The following SNTG1 variants were observed in gnomAD, a reference collection of about 807,000 sequenced individuals.
SNTG1 encodes syntrophin gamma 1.
A neutral mutation model predicts 74.7 loss-of-function variants in SNTG1; 39 were observed. The observed-to-expected ratio is 0.52, with a 90% CI of 0.40 to 0.68. The LOEUF (loss-of-function observed/expected upper bound fraction) is 0.68, where lower values mean the gene tolerates loss of function less well. SNTG1 is among the 30% of genes least tolerant of loss of function. The pLI is 0.00. For synonymous variants in SNTG1, 254 were observed against 217.1 expected (o/e 1.17, Z -1.49); for missense variants, 685 against 609.5 (o/e 1.12, Z -1.30).
At chr8:50,622,320 T>C (rs2094928614) in intron 13 of SNTG1, among the ~76,000 whole-genome samples, 1 of 152,216 alleles carries the variant, frequency 6.6e-6, no homozygotes, top group Non-Finnish European at 1.5e-5. Context: ...CCATAAATGA[T>C]GCTAATACCA....
chr8:49,916,923 G>C (rs1322575539), intron 1 of SNTG1, among the ~76,000 whole-genome samples: 1 of 151,964 alleles, frequency 6.6e-6, no homozygotes, highest in Non-Finnish European at 1.5e-5. Flanking sequence ...TACTCAGGAG[G>C]CTGAGGTAGG....
chr8:50,575,154 G>C (rs940418986), intron 12 of SNTG1, among the ~76,000 whole-genome samples: 2 of 152,168 alleles, frequency 1.3e-5, no homozygotes, highest in African/African-American at 4.8e-5. Context: ...CTATGAAGGA[G>C]AGCATATGTA....
chr8:50,318,895 T>C (rs2130798784), intron 2 of SNTG1, among the ~76,000 whole-genome samples: 1 of 152,146 alleles, frequency 6.6e-6, no homozygotes, highest in African/African-American at 2.4e-5. Flanking sequence ...TCTATTTCAA[T>C]TCTATAATTC....
Position 50,658,645 on chromosome 8 carries a change from T to C in SNTG1, c.1020T>C (p.Ile340=). ...AGAAAACATTCTCAGTTTATGAGAT[T>C]ATGTGCAAGATCCTCAAGGTATGAT... ...RAEKTFSVYE[I]MCKILKDSDL... The change falls in exon 15 of 19, where the codon ATT becomes ATC. Residue 340 remains isoleucine, a synonymous_variant. Coordinates refer to ENST00000642720, the MANE Select transcript of SNTG1 (RefSeq NM_018967.5). 5 of 1,610,678 alleles carry C rather than the reference T, an allele frequency of 3.1e-6. No homozygotes were observed. Among genetic ancestry groups the C allele is most frequent in the Non-Finnish European group, 4.2e-6 (5 of 1,177,690 alleles).
chr8:50,042,809 G>A (rs1358743995), intron 1 of SNTG1, among the ~76,000 whole-genome samples: 1 of 151,812 alleles, frequency 6.6e-6, no homozygotes, highest in Non-Finnish European at 1.5e-5. Context: ...TGTTGCCCAG[G>A]CTAATCTAAA....
intron 17 of SNTG1, among the ~76,000 whole-genome samples, chr8:50,750,006 T>C (rs1385360239): frequency 1.3e-5 from 2 of 152,056 alleles, no homozygotes; most frequent in Non-Finnish European, 2.9e-5. Flanking sequence ...GTGATTCCTC[T>C]GATGGATCTT....
chr8:50,185,406 G>A (rs982876912), intron 2 of SNTG1, among the ~76,000 whole-genome samples: 1 of 152,138 alleles, frequency 6.6e-6, no homozygotes, highest in Non-Finnish European at 1.5e-5. Flanking sequence ...CCAGTCTCAG[G>A]CAGTTATTTA....
At chr8:50,540,843 C>T (rs60139884) in intron 11 of SNTG1, among the ~76,000 whole-genome samples, 7,357 of 151,878 alleles carry the variant, frequency 0.048, 314 homozygotes, top group African/African-American at 0.11. Context: ...TTCTTCTATC[C>T]TATTCTTTAA....
chr8:50,409,912 C>T (rs2092925792), intron 4 of SNTG1, among the ~76,000 whole-genome samples: 1 of 152,140 alleles, frequency 6.6e-6, no homozygotes. Context: ...CCAAACATGA[C>T]AGAACTGTCA....
chr8:50,437,236 T>A (rs543341984), intron 4 of SNTG1, among the ~76,000 whole-genome samples: 1 of 152,238 alleles, frequency 6.6e-6, no homozygotes, highest in African/African-American at 2.4e-5. Context: ...TAATAATAAT[T>A]TCTAAGTAAA....
chr8:50,276,664 C>A (rs913430441), intron 2 of SNTG1, among the ~76,000 whole-genome samples: 1 of 151,984 alleles, frequency 6.6e-6, no homozygotes, highest in Non-Finnish European at 1.5e-5. Context: ...CTGGTGTATT[C>A]ATCTGCCTCT....
intron 9 of SNTG1, among the ~76,000 whole-genome samples, chr8:50,526,653 A>G (rs1335722755): frequency 6.6e-6 from 1 of 151,756 alleles, no homozygotes; most frequent in Non-Finnish European, 1.5e-5. Flanking sequence ...ACGCATATAT[A>G]TATATATATT....
chr8:50,481,173 G>C (rs1296604620), intron 8 of SNTG1, among the ~76,000 whole-genome samples: 1 of 152,170 alleles, frequency 6.6e-6, no homozygotes, highest in African/African-American at 2.4e-5. Context: ...ATGAGGTCAG[G>C]AGATTGAGAC....
intron 1 of SNTG1, among the ~76,000 whole-genome samples, chr8:50,010,437 G>A (rs2130559099): frequency 6.6e-6 from 1 of 152,166 alleles, no homozygotes; most frequent in East Asian, 1.9e-4. Flanking sequence ...TCTTGTCATA[G>A]CCATTTTTCA....
chr8:50,098,023 C>T (rs1290998434), intron 1 of SNTG1, among the ~76,000 whole-genome samples: 1 of 152,042 alleles, frequency 6.6e-6, no homozygotes, highest in Non-Finnish European at 1.5e-5. Context: ...TTTCTACTTC[C>T]TACTTCTCCA....
chr8:50,437,124 G>A (rs967024116), intron 4 of SNTG1, among the ~76,000 whole-genome samples: 9 of 152,006 alleles, frequency 5.9e-5, no homozygotes, highest in African/African-American at 2.2e-4. Flanking sequence ...CAGATTATAA[G>A]AGTAACATAA....
intron 1 of SNTG1, among the ~76,000 whole-genome samples, chr8:50,130,500 A>G (rs894823088): frequency 3.9e-5 from 6 of 152,134 alleles, no homozygotes; most frequent in Admixed American, 3.3e-4. Context: ...AAAAGGTTAT[A>G]TATTTTACTA....
intron 17 of SNTG1, among the ~76,000 whole-genome samples, chr8:50,714,527 C>G (rs2095470548): frequency 6.6e-6 from 1 of 152,098 alleles, no homozygotes; most frequent in African/African-American, 2.4e-5. Flanking sequence ...ACTTTCTTCA[C>G]AGAATCAGAT....
intron 3 of SNTG1, among the ~76,000 whole-genome samples, chr8:50,398,401 T>C (rs546123647): frequency 4.2e-4 from 64 of 152,320 alleles, no homozygotes; most frequent in African/African-American, 1.5e-3. Flanking sequence ...TTTTCTTGCA[T>C]CATCACGTGG....
Sources: allele counts gnomAD v4.1 joint callset (sites outside exome capture counted in the v4.1 genomes callset), GRCh38; gene constraint gnomAD v4.1.1; transcripts MANE v1.5; gene names NCBI Gene and HGNC (gene_info 2026-07-23, HGNC 2026-07-21).